The following USP4 variants were observed in gnomAD, a reference collection of about 807,000 sequenced individuals.
The protein encoded by USP4 is ubiquitin carboxyl-terminal hydrolase 4.
In USP4, 72 loss-of-function variants were observed where a neutral mutation model predicts 118.2. The ratio of observed to expected loss-of-function variants is 0.61; its 90% CI spans 0.50 to 0.74. The LOEUF is 0.74. Ranked by LOEUF, USP4 falls within the 30% of genes least tolerant of loss-of-function variation. The pLI, the probability that USP4 is intolerant of heterozygous loss-of-function variation, is 0.00. For synonymous variants in USP4, 415 were observed against 440.4 expected (o/e 0.94, Z 0.72); for missense variants, 1,037 against 1,185.7 (o/e 0.87, Z 1.84).
intron 2 of USP4, among the ~76,000 whole-genome samples, chr3:49,331,015 C>G (rs1237939805): frequency 7.3e-6 from 1 of 137,274 alleles, no homozygotes; most frequent in Non-Finnish European, 1.6e-5. Flanking sequence ...AAGACTCCGT[C>G]TCAAAAAAAA....
rs61761587 is a variant in USP4, at chr3:49,294,414, G to T, written c.1876C>A (p.Arg626Ser). ...LESLYQAVCD[R>S]ISRYVKQPLP... ...CACATTCCTGCCACCAACCTGATAC[G>T]ATCACAAACAGCCTGGTACAAAGAC... Residue 626 changes from arginine (R) to serine (S), a missense_variant, in exon 14 of 22, where the codon CGT becomes AGT. Coordinates refer to ENST00000265560, the MANE Select transcript of USP4 (RefSeq NM_003363.4). The T allele has an allele frequency of 6.2e-7, 1 of 1,611,882 alleles. No individual in the cohort carries two copies. Among genetic ancestry groups the T allele is most frequent in the Non-Finnish European group, 8.5e-7 (1 of 1,178,698 alleles).
chr3:49,292,426 C>T (rs904313558), intron 15 of USP4, 84 bp downstream of exon 15: 19 of 899,582 alleles, frequency 2.1e-5, no homozygotes, highest in Non-Finnish European at 2.8e-5. Context: ...ACCCCCTTCT[C>T]CCATGTGTGT....
In USP4 at chr3:49,327,768, T is replaced by C. The variant is rs1396292461; in HGVS notation, c.278A>G (p.Tyr93Cys). 6.2e-7 allele frequency: 1 copy of C among 1,613,960 alleles called. No individual in the cohort carries two copies. Among genetic ancestry groups the C allele is most frequent in the Admixed American group, 1.7e-5 (1 of 60,006 alleles). ...LKEHLIDELD[Y>C]VLVPTEAWNK... ...CCACGCCTCGGTAGGGACCAATACA[T>C]AGTCCAATTCATCAATTAAGTGTTC... The change falls in exon 3 of 22, where the codon TAT (tyrosine) becomes TGT (cysteine). Residue 93 changes from tyrosine to cysteine, a missense_variant. Transcript: ENST00000265560.
Position 49,277,435 on chromosome 3 carries a change from T to G in USP4, c.*858A>C, listed in dbSNP as rs1274771631. ...GAACCCGTTCTAGAAAGCATCTGGGTAACACCAAAATGTATTACTACCCTA... is the reference window on the plus strand; with the variant it reads ...GAACCCGTTCTAGAAAGCATCTGGGGAACACCAAAATGTATTACTACCCTA... On this transcript the variant is annotated 3_prime_UTR_variant, in exon 22 of 22. Transcript: ENST00000265560. 1 of 290,080 alleles carries G rather than the reference T, an allele frequency of 3.4e-6. No homozygotes were observed. Among genetic ancestry groups the G allele is most frequent in the Admixed American group, 4.6e-5 (1 of 21,904 alleles). The allele number at this position is 290,080 out of a possible 1,614,324, so 18.0% of individuals were successfully genotyped here. A position where few individuals can be genotyped will look rare whatever the true frequency, so the allele number is the denominator to read the frequency against.
At position 49,316,077 on chromosome 3, in the gene USP4, C is replaced by G. The variant is rs113361695; in HGVS notation, c.696-4423G>C. On this transcript the variant is annotated intron_variant, in intron 6 of 21. Transcript: ENST00000265560. ...AATTAGCCAGGCATGGTGGCACATG[C>G]CTGTAATTCCATCTACTCAGAGGCT... Among the ~76,000 whole-genome samples the G allele has an allele frequency of 4.4e-3, 666 of 152,108 alleles. 4 individuals carry two copies. Among genetic ancestry groups the G allele is most frequent in the Middle Eastern group, 0.014 (4 of 294 alleles).
Position 49,289,470 on chromosome 3 carries a change from G to A in USP4, c.1972+3040C>T, listed in dbSNP as rs2047130373. Among the ~76,000 whole-genome samples the A allele has an allele frequency of 1.3e-5, 2 of 152,204 alleles. 1 individual carries two copies. The highest frequency in any genetic ancestry group is 4.1e-4 in the South Asian group (2 of 4,832). On this transcript the variant is annotated intron_variant, in intron 15 of 21. Coordinates refer to ENST00000265560, the MANE Select transcript of USP4 (RefSeq NM_003363.4). The stretch of plus-strand genomic sequence containing the variant: ...CCACAGATCACCCAGGGGCTGTTCA[G>A]AGACCTATTACCATTCCAACACCTC...
rs1198715324 is a variant in USP4, at chr3:49,311,644, C to T, written c.706G>A (p.Ala236Thr). ...RQTLQSKSSTAPSRNFTTSPK... is the reference protein window; with the variant it reads ...RQTLQSKSSTTPSRNFTTSPK... ...GAGGTAGTAAAATTTCTGCTAGGCGCAGTGCTTGATCTGGGAGAGAGAAGC... is the reference window on the plus strand; with the variant it reads ...GAGGTAGTAAAATTTCTGCTAGGCGTAGTGCTTGATCTGGGAGAGAGAAGC... The change falls in exon 7 of 22, where the codon GCG (alanine) becomes ACG (threonine). Residue 236 changes from alanine to threonine, a missense_variant. Physicochemically the swap from Ala to Thr is moderately conservative, Grantham distance 58 (BLOSUM62 0). Transcript: ENST00000265560. 6 of 1,613,710 alleles carry T rather than the reference C, an allele frequency of 3.7e-6. No individual in the cohort carries two copies. The East Asian group carries it at 1.3e-4, about 36-fold the overall frequency.
chr3:49,332,986 T>C (rs1418692431), intron 2 of USP4, among the ~76,000 whole-genome samples: 2 of 150,754 alleles, frequency 1.3e-5, no homozygotes, highest in Non-Finnish European at 3.0e-5. Context: ...TGAGGTGTGA[T>C]TGTGCTACTG....
In USP4 at chr3:49,293,224, A is replaced by G. The variant is rs191272775; in HGVS notation, c.1884-626T>C. 4.6e-5 allele frequency among the ~76,000 whole-genome samples: 7 copies of G among 151,742 alleles called. No homozygotes were observed. The East Asian group carries it at 1.2e-3, about 25-fold the overall frequency. On this transcript the variant is annotated intron_variant, in intron 14 of 21. Transcript: ENST00000265560. ...AAACCCCATCTCTACTAAAAATACA[A>G]AAGTTTGGCCAGGCACGGTGGCTCA... is the stretch of plus-strand genomic sequence containing the variant.
Position 49,284,263 on chromosome 3 carries a change from G to C in USP4, c.2391-127C>G, listed in dbSNP as rs2047070772. Reference sequence around the variant, plus strand: ...CTCTCGGTCAGCACTCAACACTACTGCTTCTGGCCAGGGACCTGTCTTCCA... The same window carrying C: ...CTCTCGGTCAGCACTCAACACTACTCCTTCTGGCCAGGGACCTGTCTTCCA... On this transcript the variant is annotated intron_variant, in intron 18 of 21. Transcript: ENST00000265560. 4 of 1,327,422 alleles carry C rather than the reference G, an allele frequency of 3.0e-6. No individual in the cohort carries two copies. In the South Asian group the frequency reaches 5.5e-5, roughly 18 times the overall value. The allele number at this position is 1,327,422 out of a possible 1,614,324, so 82.2% of individuals were successfully genotyped here. A position where few individuals can be genotyped will look rare whatever the true frequency, so the allele number is the denominator to read the frequency against.
At chr3:49,285,463 TAGTG>T (rs2047082408) in intron 16 of USP4, among the ~76,000 whole-genome samples, 1 of 152,126 alleles carries the variant, frequency 6.6e-6, no homozygotes, top group Non-Finnish European at 1.5e-5. Context: ...CTGGGCAACA[TAGTG>T]AGACCCTGTC....
chr3:49,288,838 A>C (rs2047125288), intron 15 of USP4, among the ~76,000 whole-genome samples: 1 of 152,136 alleles, frequency 6.6e-6, no homozygotes, highest in Non-Finnish European at 1.5e-5. Flanking sequence ...TGCCGGGCAC[A>C]ATGGCTCACG....
chr3:49,277,315 GC>G lies in USP4; in HGVS notation c.*977del. On this transcript the variant is annotated 3_prime_UTR_variant, in exon 22 of 22. Transcript: ENST00000265560. The stretch of plus-strand genomic sequence containing the variant: ...GGACCCATACGTCCGGTTCCTTAAG[GC>G]CTTGCCCACACGCAGCGGCTGGCCC... 8.7e-7 allele frequency: 1 copy of G among 1,146,310 alleles called. No individual in the cohort carries two copies. Among genetic ancestry groups the G allele is most frequent in the Admixed American group, 2.6e-5 (1 of 38,156 alleles). 71.0% of individuals were successfully genotyped at this position (1,146,310 alleles called of 1,614,324 possible).
chr3:49,331,969 CAA>C (rs35594824), intron 2 of USP4, among the ~76,000 whole-genome samples: 15 of 105,818 alleles, frequency 1.4e-4, no homozygotes, highest in Non-Finnish European at 1.0e-4. Flanking sequence ...CCCATCTCTA[CAA>C]AAAAAAAAAA....
chr3:49,305,709 AC>A lies in USP4; in HGVS notation c.1128+5del. 6.3e-7 allele frequency: 1 copy of A among 1,598,080 alleles called. No homozygotes were observed. The highest frequency in any genetic ancestry group is 8.5e-7 in the Non-Finnish European group (1 of 1,172,524). ...ACCCAACCCATATATATATATGTCTACCTACTTTGAACATGCGAGGTGCCAC... is the reference window on the plus strand; with the variant it reads ...ACCCAACCCATATATATATATGTCTACTACTTTGAACATGCGAGGTGCCAC... On this transcript the variant is annotated splice_donor_5th_base_variant and intron_variant, in intron 9 of 21. Coordinates refer to ENST00000265560, the MANE Select transcript of USP4 (RefSeq NM_003363.4).
At chr3:49,336,871 G>C (rs754397905) in intron 1 of USP4, among the ~76,000 whole-genome samples, 1 of 152,096 alleles carries the variant, frequency 6.6e-6, no homozygotes, top group Non-Finnish European at 1.5e-5. Flanking sequence ...ACTCCAGGCA[G>C]ACAGTTTGGT....
intron 6 of USP4, chr3:49,318,278 C>T: frequency 1.0e-6 from 1 of 978,748 alleles, no homozygotes; most frequent in Non-Finnish European, 1.2e-6. Flanking sequence ...CTACAATAAA[C>T]TCTTAACAGT....
chr3:49,277,688 A>G lies in USP4; in HGVS notation c.*605T>C, dbSNP rs2046977966. 1 of 157,500 alleles carries G rather than the reference A, an allele frequency of 6.3e-6. No homozygotes were observed. The highest frequency in any genetic ancestry group is 1.4e-5 in the Non-Finnish European group (1 of 71,902). 9.8% of individuals were successfully genotyped at this position (157,500 alleles called of 1,614,324 possible). On this transcript the variant is annotated 3_prime_UTR_variant, in exon 22 of 22. Transcript: ENST00000265560. ...GGATATAACAGAACTGCTGGGTTCC[A>G]CAGGAGGTTGAGGGGCCAGGATCCC...
Position 49,324,684 on chromosome 3 carries a change from GA to G in USP4, c.695+17del, listed in dbSNP as rs1175973148. 6.2e-7 allele frequency: 1 copy of G among 1,612,400 alleles called. No homozygotes were observed. Among genetic ancestry groups the G allele is most frequent in the Admixed American group, 1.7e-5 (1 of 60,018 alleles). ...TTGCACATGTGAGCCTACAACAAGGGAGAAAAAATTCACTTACTTTGACTGC... is the reference window on the plus strand; with the variant it reads ...TTGCACATGTGAGCCTACAACAAGGGGAAAAAATTCACTTACTTTGACTGC... On this transcript the variant is annotated intron_variant, in intron 6 of 21. Coordinates refer to ENST00000265560, the MANE Select transcript of USP4 (RefSeq NM_003363.4).
Sources: allele counts gnomAD v4.1 joint callset (sites outside exome capture counted in the v4.1 genomes callset), GRCh38; gene constraint gnomAD v4.1.1; transcripts MANE v1.5; gene names NCBI Gene and HGNC (gene_info 2026-07-23, HGNC 2026-07-21).